The following SDC2 variants were observed in gnomAD, a reference collection of about 807,000 sequenced individuals.
SDC2 encodes syndecan-2.
Under a neutral mutation model 22.2 loss-of-function variants are expected in SDC2, and 13 were observed. The observed-to-expected ratio is 0.59, with a 90% CI of 0.38 to 0.93. The LOEUF (loss-of-function observed/expected upper bound fraction) is 0.93. Ranked by LOEUF, SDC2 falls within the 40% of genes least tolerant of loss-of-function variation. The pLI is 0.00. For synonymous variants in SDC2, 94 were observed against 92.8 expected (o/e 1.01, Z -0.07); for missense variants, 235 against 246.8 (o/e 0.95, Z 0.32).
At chr8:96,552,813 C>T (rs917331730) in intron 1 of SDC2, among the ~76,000 whole-genome samples, 2 of 152,164 alleles carry the variant, frequency 1.3e-5, no homozygotes, top group Non-Finnish European at 2.9e-5. Flanking sequence ...AAAATGGTAT[C>T]TACTTCCCCT....
At chr8:96,533,423 C>T (rs1813699180) in intron 1 of SDC2, among the ~76,000 whole-genome samples, 1 of 152,164 alleles carries the variant, frequency 6.6e-6, no homozygotes, top group Non-Finnish European at 1.5e-5. Flanking sequence ...CACAAAAATT[C>T]TCTATGTCCT....
intron 1 of SDC2, among the ~76,000 whole-genome samples, chr8:96,541,924 A>G (rs898249589): frequency 4.6e-5 from 7 of 152,302 alleles, no homozygotes; most frequent in Non-Finnish European, 7.4e-5. Context: ...TTGAGCTCCA[A>G]TGACTGAAAC....
intron 1 of SDC2, among the ~76,000 whole-genome samples, chr8:96,571,113 T>C (rs2589192): frequency 0.072 from 10,982 of 152,274 alleles, 1,314 homozygotes; most frequent in African/African-American, 0.25. Flanking sequence ...TGTCACACTT[T>C]TAAAAAATGT....
Position 96,505,327 on chromosome 8 carries a change from AGG to A in SDC2, c.60+10998_60+10999del, listed in dbSNP as rs1813222614. On this transcript the variant is annotated intron_variant, in intron 1 of 4. Coordinates refer to ENST00000302190, the MANE Select transcript of SDC2 (RefSeq NM_002998.4). ...TATTATTTTTATTTTTTTTTGAGACAGGGTCTCGCTCTGTCGCCCAGGCTGGA... is the reference window on the plus strand; with the variant it reads ...TATTATTTTTATTTTTTTTTGAGACAGTCTCGCTCTGTCGCCCAGGCTGGA... Among the ~76,000 whole-genome samples the A allele has an allele frequency of 2.0e-5, 3 of 152,002 alleles. No individual in the cohort carries two copies. The South Asian group carries it at 6.2e-4, about 32-fold the overall frequency.
chr8:96,556,543 A>T (rs368425600), intron 1 of SDC2, among the ~76,000 whole-genome samples: 2 of 151,954 alleles, frequency 1.3e-5, no homozygotes, highest in African/African-American at 4.8e-5. Flanking sequence ...CTATTTAATA[A>T]ATGGTGCTGG....
chr8:96,602,332 C>T, intron 2 of SDC2, 63 bp from the exon 3 acceptor site: 6 of 1,549,964 alleles, frequency 3.9e-6, no homozygotes, highest in Non-Finnish European at 5.3e-6. Context: ...GCAATAGTGC[C>T]TGATAATGGA....
chr8:96,514,960 G>C (rs1233528445), intron 1 of SDC2, among the ~76,000 whole-genome samples: 1 of 152,132 alleles, frequency 6.6e-6, no homozygotes, highest in East Asian at 1.9e-4. Flanking sequence ...TCTCCCTCTT[G>C]ATTTTTCCTG....
At chr8:96,592,761 G>A (rs528867240) in intron 1 of SDC2, among the ~76,000 whole-genome samples, 2 of 152,360 alleles carry the variant, frequency 1.3e-5, no homozygotes, top group Admixed American at 6.5e-5. Context: ...GAAAAAGAAT[G>A]TGCTCGTGTG....
Position 96,610,967 on chromosome 8 carries a change from C to T in SDC2, c.*1419C>T, listed in dbSNP as rs1035163312. 4 of 152,650 alleles carry T rather than the reference C, an allele frequency of 2.6e-5. No homozygotes were observed. Among genetic ancestry groups the T allele is most frequent in the Admixed American group, 2.6e-4 (4 of 15,286 alleles). The allele number at this position is 152,650 out of a possible 1,614,324, so 9.5% of individuals were successfully genotyped here. On this transcript the variant is annotated 3_prime_UTR_variant, in exon 5 of 5. Coordinates refer to ENST00000302190, the MANE Select transcript of SDC2 (RefSeq NM_002998.4). Reference sequence around the variant, plus strand: ...CTGCTTTTGCAAATAACTTACAAGACTGTAAATTCCAAAGATCTGAATGGG... The same window carrying T: ...CTGCTTTTGCAAATAACTTACAAGATTGTAAATTCCAAAGATCTGAATGGG...
chr8:96,594,595 C>G (rs994630789), intron 2 of SDC2, among the ~76,000 whole-genome samples: 1 of 152,108 alleles, frequency 6.6e-6, no homozygotes, highest in African/African-American at 2.4e-5. Context: ...TATGTATACA[C>G]GGAGGATTAA....
chr8:96,593,348 G>A, intron 1 of SDC2, 132 bp from the exon 2 acceptor site: 1 of 625,766 alleles, frequency 1.6e-6, no homozygotes, highest in Non-Finnish European at 2.8e-6. Context: ...GAAGACTGTG[G>A]CCAGAGATGT....
At chr8:96,514,977 C>T (rs1351717178) in intron 1 of SDC2, among the ~76,000 whole-genome samples, 15 of 152,136 alleles carry the variant, frequency 9.9e-5, no homozygotes, top group Admixed American at 9.8e-4. Context: ...CCTGTGCTAG[C>T]GCTCACTTCC....
chr8:96,495,298 G>T (rs1813054124), intron 1 of SDC2, among the ~76,000 whole-genome samples: 1 of 152,152 alleles, frequency 6.6e-6, no homozygotes, highest in South Asian at 2.1e-4. Flanking sequence ...TCCCTCCCCC[G>T]CCCTGGCGGT....
intron 1 of SDC2, among the ~76,000 whole-genome samples, chr8:96,585,664 C>T (rs1814671230): frequency 6.6e-6 from 1 of 151,948 alleles, no homozygotes; most frequent in South Asian, 2.1e-4. Context: ...TTAAATTTAC[C>T]CAACAAACCA....
At chr8:96,510,915 T>C (rs1345259534) in intron 1 of SDC2, among the ~76,000 whole-genome samples, 2 of 152,200 alleles carry the variant, frequency 1.3e-5, no homozygotes, top group Non-Finnish European at 2.9e-5. Flanking sequence ...AGAGCATTCA[T>C]GTAATACAAT....
At chr8:96,516,548 C>CAA (rs1020455902) in intron 1 of SDC2, among the ~76,000 whole-genome samples, 1 of 145,558 alleles carries the variant, frequency 6.9e-6, no homozygotes, top group Non-Finnish European at 1.5e-5. Flanking sequence ...CCCCCCACCT[C>CAA]AAAAAAAAAA....
At chr8:96,570,048 C>T (rs1342687753) in intron 1 of SDC2, among the ~76,000 whole-genome samples, 1 of 152,200 alleles carries the variant, frequency 6.6e-6, no homozygotes, top group Non-Finnish European at 1.5e-5. Flanking sequence ...ATGCTAAGTG[C>T]TAGGCATTGT....
intron 2 of SDC2, among the ~76,000 whole-genome samples, chr8:96,601,883 C>T (rs1002013726): frequency 3.3e-5 from 5 of 151,572 alleles, no homozygotes; most frequent in Admixed American, 6.6e-5. Context: ...CTCAGCCTCC[C>T]GAGTAGCTGG....
chr8:96,545,525 G>A (rs1168411418), intron 1 of SDC2, among the ~76,000 whole-genome samples: 3 of 152,162 alleles, frequency 2.0e-5, no homozygotes, highest in Non-Finnish European at 4.4e-5. Context: ...ATTTCCTTGT[G>A]GAGGTAAGAA....
Sources: allele counts gnomAD v4.1 joint callset (sites outside exome capture counted in the v4.1 genomes callset), GRCh38; gene constraint gnomAD v4.1.1; transcripts MANE v1.5; gene names NCBI Gene and HGNC (gene_info 2026-07-23, HGNC 2026-07-21).